Variants in ARHGAP24 observed in about 807,000 individuals in gnomAD.
ARHGAP24 encodes rho GTPase-activating protein 24.
ARHGAP24 carries 50 observed loss-of-function variants against 76.4 expected under a neutral mutation model. The ratio of observed to expected loss-of-function variants is 0.65; its 90% confidence interval spans 0.52 to 0.83. The LOEUF (loss-of-function observed/expected upper bound fraction) is 0.83, where lower values mean the gene tolerates loss of function less well. Among genes scored for constraint, ARHGAP24 ranks in the 40% least tolerant of loss-of-function variants. The pLI is 0.00. For synonymous variants in ARHGAP24, 345 were observed against 323.3 expected, an observed-to-expected ratio of 1.07 and a Z score of -0.72; for missense variants, 930 against 914.2, an observed-to-expected ratio of 1.02 and a Z score of -0.22.
intron 3 of ARHGAP24, among the ~76,000 whole-genome samples, chr4:85,906,834 T>G (rs886525779): frequency 6.6e-6 from 1 of 152,150 alleles, no homozygotes; most frequent in African/African-American, 2.4e-5. Context: ...GAAGAGATTT[T>G]TTTTATATTT....
rs148995944 is a variant in ARHGAP24 at position 85,854,372 on chromosome 4, A to G, written c.269-69276A>G. On this transcript the variant is annotated intron_variant, in intron 3 of 9. Transcript: ENST00000395184. ...AAAGGCCTTTTCAGATAATGGTGCA[A>G]TTTTATTTTTCACCATGGTAAAGTC... Among the ~76,000 whole-genome samples, 7 of 152,306 alleles carry G rather than the reference A, an allele frequency of 4.6e-5. No individual in the cohort carries two copies. The East Asian group carries it at 1.3e-3, about 29-fold the overall frequency.
chr4:85,626,476 C>A (rs983153500), intron 2 of ARHGAP24, among the ~76,000 whole-genome samples: 1 of 99,202 alleles, frequency 1.0e-5, no homozygotes, highest in African/African-American at 4.2e-5. Flanking sequence ...GTGGATAACC[C>A]GACCTTTCTC....
intron 1 of ARHGAP24, among the ~76,000 whole-genome samples, chr4:85,558,617 T>C (rs183893073): frequency 1.3e-5 from 2 of 152,250 alleles, no homozygotes; most frequent in East Asian, 3.9e-4. Context: ...CATACCTCCA[T>C]ATAAGAAACC....
chr4:85,938,109 TG>T, intron 4 of ARHGAP24, among the ~76,000 whole-genome samples: 1 of 152,206 alleles, frequency 6.6e-6, no homozygotes, highest in Middle Eastern at 3.2e-3. Flanking sequence ...TGTGCGCCAC[TG>T]GAAACAGCCA....
chr4:85,918,739 T>C (rs1435863101), intron 3 of ARHGAP24, among the ~76,000 whole-genome samples: 1 of 152,136 alleles, frequency 6.6e-6, no homozygotes, highest in East Asian at 1.9e-4. Context: ...TCCAAATATA[T>C]AGCATATCTC....
In ARHGAP24 at chr4:85,671,455, T is replaced by C. The variant is rs546398215; in HGVS notation, c.181-50430T>C. 3.0e-4 allele frequency among the ~76,000 whole-genome samples: 45 copies of C among 152,250 alleles called. No individual in the cohort carries two copies. The South Asian group carries it at 8.5e-3, about 29-fold the overall frequency. On this transcript the variant is annotated intron_variant, in intron 2 of 9. Transcript: ENST00000395184. ...TTCCAGTGGCTTGGCTCAAAGTAGG[T>C]AATGAAATAAATATTTGTCAAATGA...
At position 85,974,810 on chromosome 4, in the gene ARHGAP24, T is replaced by G. The variant is rs2148854088; in HGVS notation, c.733-78T>G. ...ATGTGAAACTAATTTTTTAAAAAAT[T>G]ATATGGCCATTTCGACTTGCTTTAA... On this transcript the variant is annotated intron_variant, in intron 6 of 9. Coordinates refer to ENST00000395184, the MANE Select transcript of ARHGAP24 (RefSeq NM_001025616.3). The G allele has an allele frequency of 2.9e-6, 4 of 1,374,806 alleles. No individual in the cohort carries two copies. In the East Asian group the frequency reaches 9.3e-5, roughly 32 times the overall value. The allele number at this position is 1,374,806 out of a possible 1,614,324, so 85.2% of individuals were successfully genotyped here.
At chr4:85,685,845 A>G (rs1440084732) in intron 2 of ARHGAP24, among the ~76,000 whole-genome samples, 1 of 152,232 alleles carries the variant, frequency 6.6e-6, no homozygotes, top group Non-Finnish European at 1.5e-5. Flanking sequence ...TCACAATTTT[A>G]TGGGTTAGAA....
intron 2 of ARHGAP24, among the ~76,000 whole-genome samples, chr4:85,691,772 G>C (rs914859059): frequency 6.6e-6 from 1 of 152,070 alleles, no homozygotes; most frequent in African/African-American, 2.4e-5. Context: ...AAAATGGTTG[G>C]GTGTTACCTT....
chr4:85,533,004 G>A (rs953886886), intron 1 of ARHGAP24, among the ~76,000 whole-genome samples: 1 of 152,198 alleles, frequency 6.6e-6, no homozygotes, highest in African/African-American at 2.4e-5. Flanking sequence ...CTGGAACAAA[G>A]TCATCTTCAA....
chr4:85,977,210 C>T (rs1401381322), intron 7 of ARHGAP24, among the ~76,000 whole-genome samples: 2 of 152,074 alleles, frequency 1.3e-5, no homozygotes, highest in Non-Finnish European at 2.9e-5. Context: ...ATTACAGTCC[C>T]CTAATTGAAT....
chr4:85,639,413 G>A (rs1182815915), intron 2 of ARHGAP24, among the ~76,000 whole-genome samples: 1 of 152,026 alleles, frequency 6.6e-6, no homozygotes, highest in Non-Finnish European at 1.5e-5. Context: ...AGAAGCAAAG[G>A]CACCCGATCT....
At chr4:85,930,864 T>C in intron 4 of ARHGAP24, 2 of 1,608,560 alleles carry the variant, frequency 1.2e-6, no homozygotes, top group Non-Finnish European at 8.5e-7. Context: ...GGAGTGGCTG[T>C]TGGGTTTCGC....
At chr4:85,971,607 TTG>T (rs1738990042) in intron 5 of ARHGAP24, among the ~76,000 whole-genome samples, 1 of 152,188 alleles carries the variant, frequency 6.6e-6, no homozygotes, top group African/African-American at 2.4e-5. Flanking sequence ...AGTCATTTCT[TTG>T]TGTTATAAGC....
At chr4:85,499,947 G>C (rs2110098478) in intron 1 of ARHGAP24, among the ~76,000 whole-genome samples, 1 of 152,202 alleles carries the variant, frequency 6.6e-6, no homozygotes, top group East Asian at 1.9e-4. Context: ...CACCTCTGGA[G>C]ATCTACTTTT....
At chr4:85,770,716 G>T (rs1010827024) in intron 3 of ARHGAP24, among the ~76,000 whole-genome samples, 1 of 152,172 alleles carries the variant, frequency 6.6e-6, no homozygotes, top group Non-Finnish European at 1.5e-5. Flanking sequence ...TTTGGCCAAG[G>T]TCAAACAGCT....
chr4:85,793,894 A>G (rs1403568989), intron 3 of ARHGAP24, among the ~76,000 whole-genome samples: 1 of 152,180 alleles, frequency 6.6e-6, no homozygotes, highest in Non-Finnish European at 1.5e-5. Context: ...TGGGGATATA[A>G]ATAGAACAGT....
chr4:85,938,622 A>G (rs1352826323), intron 4 of ARHGAP24, among the ~76,000 whole-genome samples: 2 of 152,212 alleles, frequency 1.3e-5, no homozygotes, highest in Non-Finnish European at 2.9e-5. Flanking sequence ...GTACACGTCT[A>G]TTAAAATTCT....
chr4:85,772,711 T>C (rs1051801689), intron 3 of ARHGAP24, among the ~76,000 whole-genome samples: 4 of 152,224 alleles, frequency 2.6e-5, no homozygotes, highest in Non-Finnish European at 5.9e-5. Context: ...AAACATGTAG[T>C]TCCATAGAAA....
Sources: gnomAD v4.1 joint callset for allele counts (sites outside exome capture counted in the v4.1 genomes callset) on GRCh38, gnomAD v4.1.1 for gene constraint, MANE v1.5 for transcripts, NCBI Gene and HGNC (gene_info 2026-07-23, HGNC 2026-07-21) for gene names.